The following ATXN1 variants were observed in gnomAD, a reference collection of about 807,000 sequenced individuals.
ATXN1 encodes the protein ataxin-1.
ATXN1 carries 8 observed loss-of-function variants against 56.4 expected under a neutral mutation model. That is an observed-to-expected ratio of 0.14 (90% CI 0.08 to 0.26). The LOEUF is 0.26. Ranked by LOEUF, ATXN1 falls within the 10% of genes least tolerant of loss-of-function variation. ATXN1 has a pLI of 1.00. For missense variants in ATXN1, 987 were observed against 1,106.5 expected (o/e 0.89, Z 1.53); for synonymous variants, 514 against 494.6 (o/e 1.04, Z -0.52).
intron 6 of ATXN1, among the ~76,000 whole-genome samples, chr6:16,358,639 C>T (rs568370851): frequency 6.6e-6 from 1 of 152,332 alleles, no homozygotes; most frequent in South Asian, 2.1e-4. Context: ...GAGCTGGTGG[C>T]AGCCCTGTTC....
intron 2 of ATXN1, among the ~76,000 whole-genome samples, chr6:16,697,358 T>A (rs1393371986): frequency 1.3e-5 from 2 of 152,172 alleles, no homozygotes; most frequent in African/African-American, 2.4e-5. Context: ...TGTCTAAGAC[T>A]CTACTCAGGC....
rs11356086 is a variant in ATXN1, at chr6:16,669,667, CTTTTTTTTTTT to C, written c.-614-11777_-614-11767del. On this transcript the variant is annotated intron_variant, in intron 2 of 7. Coordinates refer to ENST00000436367, the MANE Select transcript of ATXN1 (RefSeq NM_001128164.2). Reference sequence around the variant, plus strand: ...TGCTCTCTGAACTGAACTGAACAATCTTTTTTTTTTTTTTTTTTTTTTACTTTAAGTTCTGG... The same window carrying C: ...TGCTCTCTGAACTGAACTGAACAATCTTTTTTTTTTTACTTTAAGTTCTGG... Among the ~76,000 whole-genome samples the C allele has an allele frequency of 4.2e-4, 47 of 113,130 alleles. 1 individual carries two copies. The highest frequency in any genetic ancestry group is 9.4e-3 in the Middle Eastern group (2 of 212). The allele number at this position is 113,130 out of a possible 152,430, so 74.2% of individuals were successfully genotyped here.
intron 2 of ATXN1, among the ~76,000 whole-genome samples, chr6:16,684,262 A>G (rs1413744998): frequency 6.6e-6 from 1 of 152,154 alleles, no homozygotes; most frequent in Non-Finnish European, 1.5e-5. Flanking sequence ...TCTTTATGGG[A>G]GACCAAGTTC....
intron 2 of ATXN1, among the ~76,000 whole-genome samples, chr6:16,731,108 A>T (rs1759965968): frequency 6.6e-6 from 1 of 152,224 alleles, no homozygotes; most frequent in Non-Finnish European, 1.5e-5. Flanking sequence ...AACTGGCTCA[A>T]ATGCCTACAA....
intron 7 of ATXN1, among the ~76,000 whole-genome samples, chr6:16,314,373 G>C (rs577522008): frequency 6.6e-6 from 1 of 152,176 alleles, no homozygotes; most frequent in South Asian, 2.1e-4. Context: ...TCTCACTGAG[G>C]GGTTTCTCAG....
intron 6 of ATXN1, among the ~76,000 whole-genome samples, chr6:16,442,121 T>G (rs1255621760): frequency 1.3e-5 from 2 of 152,132 alleles, no homozygotes; most frequent in Non-Finnish European, 2.9e-5. Flanking sequence ...GACAGAAAAT[T>G]AGAGTGTCAC....
intron 3 of ATXN1, among the ~76,000 whole-genome samples, chr6:16,591,331 T>C (rs546012844): frequency 2.0e-5 from 3 of 152,336 alleles, no homozygotes; most frequent in African/African-American, 7.2e-5. Context: ...TGGCCACAGC[T>C]ATTGACCAGT....
intron 5 of ATXN1, among the ~76,000 whole-genome samples, chr6:16,522,160 G>C (rs1761306084): frequency 6.6e-6 from 1 of 152,054 alleles, no homozygotes. Flanking sequence ...TGAGCCTCTG[G>C]GCCTCAGATG....
At position 16,308,322 on chromosome 6, in the gene ATXN1, T is replaced by TCACACACACACACA. The variant is rs35291830; in HGVS notation, c.1918-1477_1918-1464dup. ...GCCTGGGCGACAGAGTGAAACTCCG[T>TCACACACACACACA]CACACACACACACACACACACACAC... On this transcript the variant is annotated intron_variant, in intron 7 of 7. Transcript: ENST00000436367. Among the ~76,000 whole-genome samples, 425 of 132,704 alleles carry TCACACACACACACA rather than the reference T, an allele frequency of 3.2e-3. 4 individuals carry two copies. The highest frequency in any genetic ancestry group is 0.029 in the East Asian group (109 of 3,774). 87.1% of individuals were successfully genotyped at this position (132,704 alleles called of 152,430 possible). A position where few individuals can be genotyped will look rare whatever the true frequency, so the allele number is the denominator to read the frequency against.
intron 6 of ATXN1, among the ~76,000 whole-genome samples, chr6:16,461,077 A>G (rs1376223389): frequency 6.6e-6 from 1 of 152,232 alleles, no homozygotes; most frequent in African/African-American, 2.4e-5. Context: ...AGCCATCAAA[A>G]AGGTGAAGGA....
In ATXN1 at chr6:16,326,618, C is replaced by A. The variant is rs760071666; in HGVS notation, c.1693G>T (p.Ala565Ser). ...TAGGGAGGCAGCGTAGGGGGAGCCG[C>A]CGCCGGGGAGGCCACGGACTGCACC... is the stretch of plus-strand genomic sequence containing the variant. The part of the protein sequence containing the change: ...PVVQSVASPA[A>S]APPTLPPYFM... Residue 565 changes from alanine (A) to serine (S), a missense_variant, in exon 7 of 8, where the codon GCG (alanine) becomes TCG (serine). Physicochemically the swap from Ala to Ser is moderately conservative, Grantham distance 99. Coordinates refer to ENST00000436367, the MANE Select transcript of ATXN1 (RefSeq NM_001128164.2). The surrounding 1 kb of genome is among the most constrained non-coding windows in gnomAD (Gnocchi z 6.6). The A allele has an allele frequency of 6.2e-7, 1 of 1,614,080 alleles. No homozygotes were observed. The highest frequency in any genetic ancestry group is 1.1e-5 in the South Asian group (1 of 91,088).
At chr6:16,474,228 A>G (rs866979839) in intron 6 of ATXN1, among the ~76,000 whole-genome samples, 9 of 152,218 alleles carry the variant, frequency 5.9e-5, no homozygotes, top group African/African-American at 1.9e-4. Flanking sequence ...TGAACTGAAC[A>G]AATTAAGTAA....
At chr6:16,526,492 C>T (rs936487356) in intron 4 of ATXN1, among the ~76,000 whole-genome samples, 1 of 152,138 alleles carries the variant, frequency 6.6e-6, no homozygotes, top group African/African-American at 2.4e-5. Context: ...TGGCCGGACG[C>T]GGTGGCTCAC....
rs10551173 is a variant in ATXN1 at position 16,557,326 on chromosome 6, C to CA, written c.-361+28453dup. Among the ~76,000 whole-genome samples the CA allele has an allele frequency of 7.3e-3, 635 of 87,482 alleles. 6 individuals carry two copies. Among genetic ancestry groups the CA allele is most frequent in the South Asian group, 0.014 (37 of 2,598 alleles). 57.4% of individuals were successfully genotyped at this position (87,482 alleles called of 152,430 possible). On this transcript the variant is annotated intron_variant, in intron 4 of 7. Coordinates refer to ENST00000436367, the MANE Select transcript of ATXN1 (RefSeq NM_001128164.2). ...TGGGAAACAGAGTGAAACCCCATTT[C>CA]AAAAAAAAAAAAAAAAAAAACAAAT...
chr6:16,710,153 A>C (rs1354323879), intron 2 of ATXN1, among the ~76,000 whole-genome samples: 1 of 152,246 alleles, frequency 6.6e-6, no homozygotes, highest in Non-Finnish European at 1.5e-5. Flanking sequence ...CGATCAGAAA[A>C]AAAGTCCTGG....
At chr6:16,395,501 G>T (rs903195623) in intron 6 of ATXN1, among the ~76,000 whole-genome samples, 1 of 152,112 alleles carries the variant, frequency 6.6e-6, no homozygotes, top group Admixed American at 6.6e-5. Flanking sequence ...TACTGATGCT[G>T]TAGCTGTCCA....
At position 16,565,389 on chromosome 6, in the gene ATXN1, T is replaced by C. The variant is rs139206275; in HGVS notation, c.-361+20391A>G. On this transcript the variant is annotated intron_variant, in intron 4 of 7. Coordinates refer to ENST00000436367, the MANE Select transcript of ATXN1 (RefSeq NM_001128164.2). ...AATCATTCCCCATAATCTATTTATTTGATGTTTGATTTATCTGATAAACAT... is the reference window on the plus strand; with the variant it reads ...AATCATTCCCCATAATCTATTTATTCGATGTTTGATTTATCTGATAAACAT... 9.9e-4 allele frequency among the ~76,000 whole-genome samples: 151 copies of C among 152,338 alleles called. 1 individual carries two copies. Among genetic ancestry groups the C allele is most frequent in the African/African-American group, 3.3e-3 (136 of 41,570 alleles).
chr6:16,680,969 A>C (rs1356697524), intron 2 of ATXN1, among the ~76,000 whole-genome samples: 1 of 152,218 alleles, frequency 6.6e-6, no homozygotes, highest in Non-Finnish European at 1.5e-5. Flanking sequence ...AAAAAAATTA[A>C]ACCAGTGATT....
At chr6:16,615,118 G>A (rs1296592085) in intron 3 of ATXN1, 3 of 148,060 alleles carry the variant, frequency 2.0e-5, no homozygotes, top group African/African-American at 7.5e-5. Context: ...TAACTTTGGG[G>A]ACAGGTAATT....
Sources: allele counts gnomAD v4.1 joint callset (sites outside exome capture counted in the v4.1 genomes callset), GRCh38; gene constraint gnomAD v4.1.1; non-coding constraint Gnocchi (gnomAD v3.1); transcripts MANE v1.5; gene names NCBI Gene and HGNC (gene_info 2026-07-23, HGNC 2026-07-21).